XKRX: variants seen among roughly 807,000 people sequenced by gnomAD.
The protein encoded by XKRX is XK related X-linked.
In XKRX, 11 loss-of-function variants were observed where a neutral mutation model predicts 22.4. The observed-to-expected ratio is 0.49, with a 90% confidence interval of 0.31 to 0.81. The LOEUF (loss-of-function observed/expected upper bound fraction) is 0.81, where lower values mean the gene tolerates loss of function less well. XKRX is among the 40% of genes least tolerant of loss of function. The pLI, the probability that XKRX is intolerant of heterozygous loss-of-function variation, is 0.05. For missense variants in XKRX, 320 were observed against 336.5 expected, an observed-to-expected ratio of 0.95 and a Z score of 0.38; for synonymous variants, 114 against 132.2, an observed-to-expected ratio of 0.86 and a Z score of 0.94.
At chrX:100,899,650 G>A in the XKRX span, among the ~76,000 whole-genome samples, 1 of 112,558 alleles carries the variant, frequency 8.9e-6, no homozygotes, top group East Asian at 2.8e-4. Flanking sequence ...CAAAGTTACA[G>A]GTTGTAACCT....
At chrX:100,945,708 G>C in the XKRX span, among the ~76,000 whole-genome samples, 1 of 106,844 alleles carries the variant, frequency 9.4e-6, no homozygotes, top group African/African-American at 3.4e-5. Flanking sequence ...CAGGGAGGCT[G>C]AGGCAGGAGA....
Position 100,919,223 on chromosome X carries a change from G to A in XKRX, c.604+3570C>T, listed in dbSNP as rs771173800. ...TATTATTTTGCTTTGTTTTTTGTAG[G>A]ATGAATTAAAAAATTATCTTGAAAA... On this transcript the variant is annotated intron_variant, in intron 2 of 2. Coordinates refer to ENST00000372956, the MANE Select transcript of XKRX (RefSeq NM_212559.3). Among the ~76,000 whole-genome samples the A allele has an allele frequency of 2.7e-5, 3 of 111,410 alleles. No homozygotes were observed. The East Asian group carries it at 8.4e-4, about 31-fold the overall frequency.
At chrX:100,917,700 AAGAAAG>A (rs2085450525) in intron 2 of XKRX, among the ~76,000 whole-genome samples, 2 of 105,488 alleles carry the variant, frequency 1.9e-5, no homozygotes, top group Admixed American at 1.0e-4. Flanking sequence ...GAAAGAAAGA[AAGAAAG>A]AAAGAAAGAA....
At chrX:100,900,868 C>T in the XKRX span, among the ~76,000 whole-genome samples, 1 of 103,973 alleles carries the variant, frequency 9.6e-6, no homozygotes, top group African/African-American at 3.5e-5. Flanking sequence ...CGGCTCACTG[C>T]AAGCTCTGCC....
chrX:100,936,993 CTTTT>C, the XKRX span, among the ~76,000 whole-genome samples: 1 of 95,532 alleles, frequency 1.0e-5, no homozygotes. Context: ...CTAACACAGC[CTTTT>C]TTTTTTTTTT....
the XKRX span, among the ~76,000 whole-genome samples, chrX:100,942,783 G>A: frequency 1.8e-5 from 2 of 111,443 alleles, no homozygotes; most frequent in Admixed American, 9.6e-5. Context: ...GGTTCAAACT[G>A]TCACCAGCTT....
At chrX:100,915,754 C>T (rs939582334) in intron 2 of XKRX, among the ~76,000 whole-genome samples, 2 of 108,400 alleles carry the variant, frequency 1.8e-5, no homozygotes, top group African/African-American at 6.7e-5. Context: ...CATAAAATTA[C>T]AGAAACTCTG....
At position 100,928,668 on chromosome X, in the gene XKRX, CG is replaced by C; in HGVS notation, c.-365del. ...GTCATGAGAACAGCGGCTTCCGTGG[CG>C]GCTCCTTTCGCAGCCCCTCAGGCAG... is the stretch of plus-strand genomic sequence containing the variant. On this transcript the variant is annotated 5_prime_UTR_variant, in exon 1 of 3. Transcript: ENST00000372956. The C allele has an allele frequency of 1.3e-5, 10 of 794,686 alleles. No homozygotes were observed. Among genetic ancestry groups the C allele is most frequent in the Non-Finnish European group, 1.5e-5 (10 of 666,258 alleles). 65.5% of individuals were successfully genotyped at this position (794,686 alleles called of 1,213,427 possible).
Position 100,915,026 on chromosome X carries a change from A to G in XKRX, c.662T>C (p.Met221Thr). The G allele has an allele frequency of 8.3e-7, 1 of 1,211,564 alleles. No homozygotes were observed. The highest frequency in any genetic ancestry group is 1.1e-6 in the Non-Finnish European group (1 of 895,358). Reference protein sequence around the residue: ...SVTYGATLCNMLAIQIKYDDY... With the variant: ...SVTYGATLCNTLAIQIKYDDY... ...ATCGTACTTGATCTGGATAGCCAAC[A>G]TATTGCAAAGGGTGGCCCCATAGGT... The change falls in exon 3 of 3, where the codon ATG (methionine) becomes ACG (threonine). Residue 221 changes from methionine to threonine, a missense_variant. Met to Thr is a moderately conservative substitution (Grantham distance 81, BLOSUM62 -1). Coordinates refer to ENST00000372956, the MANE Select transcript of XKRX (RefSeq NM_212559.3).
chrX:100,889,343 C>T, the XKRX span, among the ~76,000 whole-genome samples: 1 of 109,436 alleles, frequency 9.1e-6, no homozygotes, highest in Non-Finnish European at 1.9e-5. Flanking sequence ...GGCTCCTAAT[C>T]CAATATGACT....
At chrX:100,890,281 T>C in the XKRX span, among the ~76,000 whole-genome samples, 1 of 110,643 alleles carries the variant, frequency 9.0e-6, no homozygotes, top group Non-Finnish European at 1.9e-5. Flanking sequence ...TCCTACAACC[T>C]CCTTACTAGG....
chrX:100,937,556 C>G, the XKRX span, among the ~76,000 whole-genome samples: 2 of 111,850 alleles, frequency 1.8e-5, no homozygotes, highest in Non-Finnish European at 3.8e-5. Context: ...TCGAGAAAAA[C>G]TGTCCTAGGG....
chrX:100,899,640 C>A, the XKRX span, among the ~76,000 whole-genome samples: 1 of 112,460 alleles, frequency 8.9e-6, no homozygotes, highest in Non-Finnish European at 1.9e-5. Context: ...TTCGAACTAA[C>A]AAAGTTACAG....
the XKRX span, among the ~76,000 whole-genome samples, chrX:100,895,968 T>C: frequency 6.3e-5 from 7 of 111,968 alleles, no homozygotes; most frequent in African/African-American, 2.3e-4. Flanking sequence ...TCATTCCTGC[T>C]AGGCAACCCA....
chrX:100,944,956 G>A, the XKRX span, among the ~76,000 whole-genome samples: 1 of 111,735 alleles, frequency 8.9e-6, no homozygotes, highest in African/African-American at 3.3e-5. Flanking sequence ...GTGTTAAAGA[G>A]CATAGAAGGG....
chrX:100,932,709 A>G (rs1477610671), upstream of XKRX, among the ~76,000 whole-genome samples: 1 of 112,305 alleles, frequency 8.9e-6, no homozygotes, highest in Non-Finnish European at 1.9e-5. Context: ...ATCCATGAGG[A>G]AAGAGGAGAG....
the XKRX span, chrX:100,957,367 C>A: frequency 7.5e-6 from 9 of 1,200,515 alleles, no homozygotes; most frequent in African/African-American, 1.6e-4. Context: ...CACCTCTGGC[C>A]TGAAAAACGC....
chrX:100,945,479 T>C, the XKRX span, among the ~76,000 whole-genome samples: 1 of 112,021 alleles, frequency 8.9e-6, no homozygotes, highest in Non-Finnish European at 1.9e-5. Flanking sequence ...ATGCAGATTC[T>C]AATTTAGTAG....
the XKRX span, among the ~76,000 whole-genome samples, chrX:100,937,034 C>T: frequency 9.3e-6 from 1 of 107,700 alleles, no homozygotes. Flanking sequence ...CTCTCTTGCC[C>T]AGAATGGAGT....
Sources: gnomAD v4.1 joint callset for allele counts (sites outside exome capture counted in the v4.1 genomes callset) on GRCh38, gnomAD v4.1.1 for gene constraint, MANE v1.5 for transcripts, NCBI Gene and HGNC (gene_info 2026-07-23, HGNC 2026-07-21) for gene names.